Variants in FRK observed in about 807,000 individuals in gnomAD.
The protein encoded by FRK is tyrosine-protein kinase FRK.
Under a neutral mutation model 56.4 loss-of-function variants are expected in FRK, and 51 were observed. The ratio of observed to expected loss-of-function variants is 0.90; its 90% CI spans 0.72 to 1.14. The LOEUF is 1.14. Among genes scored for constraint, FRK ranks in the 50% most tolerant of loss-of-function variants. The pLI is 0.00. For missense variants in FRK, 570 were observed against 601.4 expected (o/e 0.95, Z 0.55); for synonymous variants, 245 against 217.9 (o/e 1.12, Z -1.10).
chr6:115,970,991 T>C (rs9488816), intron 2 of FRK, among the ~76,000 whole-genome samples: 31,383 of 152,120 alleles, frequency 0.21, 3,694 homozygotes, highest in Middle Eastern at 0.31. Flanking sequence ...ACTGGGACGT[T>C]AACCTTATTC....
In FRK at chr6:115,967,732, A is replaced by C. The variant is rs766856547; in HGVS notation, c.631-13T>G. On this transcript the variant is annotated splice_polypyrimidine_tract_variant and intron_variant, in intron 3 of 7. Transcript: ENST00000606080. ...CTGGGACCTGGATCTGTTTCATAGA[A>C]TAATAAGAGCAATTGTTAAAAAAAA... The C allele has an allele frequency of 6.5e-7, 1 of 1,531,298 alleles. No homozygotes were observed. Among genetic ancestry groups the C allele is most frequent in the South Asian group, 1.3e-5 (1 of 79,230 alleles). 94.9% of individuals were successfully genotyped at this position (1,531,298 alleles called of 1,614,324 possible).
chr6:116,009,923 A>G (rs1037089053), intron 1 of FRK, among the ~76,000 whole-genome samples: 1 of 152,154 alleles, frequency 6.6e-6, no homozygotes, highest in Non-Finnish European at 1.5e-5. Context: ...AGGTTTATTT[A>G]TATTTTAAAA....
chr6:115,979,769 T>C (rs1313642219), intron 2 of FRK, among the ~76,000 whole-genome samples: 1 of 152,184 alleles, frequency 6.6e-6, no homozygotes, highest in African/African-American at 2.4e-5. Flanking sequence ...ACACAAATAC[T>C]ATTGTGTTAC....
chr6:115,981,317 A>AT lies in FRK; in HGVS notation c.467-12579dup, dbSNP rs1404887571. Reference sequence around the variant, plus strand: ...TATCAGAAATTTTAAAGATGGTTTAATTTTTTTTCTTTTACTGATGAGAAA... The same window carrying AT: ...TATCAGAAATTTTAAAGATGGTTTAATTTTTTTTTCTTTTACTGATGAGAAA... On this transcript the variant is annotated intron_variant, in intron 2 of 7. Transcript: ENST00000606080. 3.3e-5 allele frequency among the ~76,000 whole-genome samples: 5 copies of AT among 152,036 alleles called. No individual in the cohort carries two copies. In the East Asian group the frequency reaches 9.6e-4, roughly 29 times the overall value.
chr6:115,931,673 T>C lies in FRK; in HGVS notation c.*10741A>G, dbSNP rs975427344. The stretch of plus-strand genomic sequence containing the variant: ...TAAAAGCTATGATATATTTCTACTC[T>C]GAAATTTTGTGGACCATAAAAATTA... On this transcript the variant is annotated 3_prime_UTR_variant, in exon 8 of 8. Coordinates refer to ENST00000606080, the MANE Select transcript of FRK (RefSeq NM_002031.3). 2.0e-5 allele frequency: 3 copies of C among 152,230 alleles called. No homozygotes were observed. The highest frequency in any genetic ancestry group is 7.2e-5 in the African/African-American group (3 of 41,476). The allele number at this position is 152,230 out of a possible 1,614,324, so 9.4% of individuals were successfully genotyped here.
chr6:115,970,097 TGGA>T (rs1773744832), intron 2 of FRK, among the ~76,000 whole-genome samples: 1 of 151,870 alleles, frequency 6.6e-6, no homozygotes, highest in Non-Finnish European at 1.5e-5. Context: ...ACTTCCCATA[TGGA>T]GGTTTACTGA....
the FRK span, among the ~76,000 whole-genome samples, chr6:116,066,439 GTGTGTGTGTGTA>G: frequency 0.015 from 2,258 of 152,090 alleles, 62 homozygotes; most frequent in African/African-American, 0.051. Context: ...ATATATGTGT[GTGTGTGTGTGTA>G]TGTGTGTGTG....
intron 1 of FRK, among the ~76,000 whole-genome samples, chr6:116,032,652 T>C (rs1776342503): frequency 1.3e-5 from 2 of 152,166 alleles, no homozygotes; most frequent in Admixed American, 1.3e-4. Flanking sequence ...TTCTGTTAAT[T>C]ACAACTAAAA....
intron 1 of FRK, among the ~76,000 whole-genome samples, chr6:116,024,087 C>CAG (rs1301068893): frequency 6.6e-6 from 1 of 151,686 alleles, no homozygotes; most frequent in Non-Finnish European, 1.5e-5. Flanking sequence ...CACACACACA[C>CAG]ACACACACAC....
intron 1 of FRK, among the ~76,000 whole-genome samples, chr6:116,019,638 A>C (rs185112171): frequency 6.6e-6 from 1 of 152,176 alleles, no homozygotes; most frequent in Non-Finnish European, 1.5e-5. Flanking sequence ...TTTGTGGAAA[A>C]GGGAACTAGA....
At chr6:115,955,210 G>T (rs1183345910) in intron 5 of FRK, among the ~76,000 whole-genome samples, 1 of 151,986 alleles carries the variant, frequency 6.6e-6, no homozygotes, top group Non-Finnish European at 1.5e-5. Context: ...AGGTTGAAAA[G>T]AACCACCAAG....
At chr6:116,058,676 C>T (rs1230244676) in intron 1 of FRK, among the ~76,000 whole-genome samples, 3 of 151,808 alleles carry the variant, frequency 2.0e-5, no homozygotes, top group Non-Finnish European at 2.9e-5. Flanking sequence ...TTTGGGAGGC[C>T]GAGGCGGGCG....
At chr6:115,987,755 A>C (rs948553490) in intron 2 of FRK, among the ~76,000 whole-genome samples, 2 of 152,114 alleles carry the variant, frequency 1.3e-5, no homozygotes, top group African/African-American at 4.8e-5. Flanking sequence ...TAGGCATTAA[A>C]TAAATATTTG....
At position 116,036,785 on chromosome 6, in the gene FRK, G is replaced by A. The variant is rs1407282432; in HGVS notation, c.344+23183C>T. 2.0e-5 allele frequency among the ~76,000 whole-genome samples: 3 copies of A among 152,060 alleles called. No individual in the cohort carries two copies. The East Asian group carries it at 5.8e-4, about 29-fold the overall frequency. ...AACATAGATATCAATGTACTTAACT[G>A]TAAATTAAATGTACAGATATGTTGA... On this transcript the variant is annotated intron_variant, in intron 1 of 7. Coordinates refer to ENST00000606080, the MANE Select transcript of FRK (RefSeq NM_002031.3).
At chr6:115,951,533 G>T (rs1202810169) in intron 5 of FRK, among the ~76,000 whole-genome samples, 1 of 152,060 alleles carries the variant, frequency 6.6e-6, no homozygotes. Flanking sequence ...ATTGTAATAA[G>T]ATCTATCTGT....
At chr6:115,994,430 G>A (rs898938274) in intron 2 of FRK, among the ~76,000 whole-genome samples, 50 of 148,518 alleles carry the variant, frequency 3.4e-4, no homozygotes, top group African/African-American at 1.2e-3. Flanking sequence ...ATTTGGATGA[G>A]TCTACACTTT....
intron 4 of FRK, among the ~76,000 whole-genome samples, chr6:115,960,196 C>T (rs1312817903): frequency 6.6e-5 from 10 of 150,826 alleles, no homozygotes; most frequent in African/African-American, 1.5e-4. Flanking sequence ...GCGCACCGTG[C>T]GCGAGCCGAA....
intron 1 of FRK, among the ~76,000 whole-genome samples, chr6:116,052,994 T>C (rs1408286088): frequency 1.3e-5 from 2 of 152,160 alleles, no homozygotes; most frequent in Non-Finnish European, 2.9e-5. Context: ...ATAATGATCC[T>C]ATAAGATAGG....
At chr6:116,055,876 T>G (rs184520746) in intron 1 of FRK, among the ~76,000 whole-genome samples, 1 of 152,324 alleles carries the variant, frequency 6.6e-6, no homozygotes, top group East Asian at 1.9e-4. Flanking sequence ...TAATAGAATC[T>G]TCATTTATGT....
Sources: allele counts gnomAD v4.1 joint callset (sites outside exome capture counted in the v4.1 genomes callset), GRCh38; gene constraint gnomAD v4.1.1; transcripts MANE v1.5; gene names NCBI Gene and HGNC (gene_info 2026-07-23, HGNC 2026-07-21).